Variants in SIPA1L2 observed in about 807,000 individuals in gnomAD.
SIPA1L2 encodes signal induced proliferation associated 1 like 2, also known as signal-induced proliferation-associated 1-like protein 2.
A neutral mutation model predicts 163.9 loss-of-function variants in SIPA1L2; 56 were observed. The observed-to-expected ratio is 0.34, with a 90% CI of 0.28 to 0.43. The LOEUF (loss-of-function observed/expected upper bound fraction) is 0.43. Among genes scored for constraint, SIPA1L2 ranks in the 20% least tolerant of loss-of-function variants. The probability of loss-of-function intolerance (pLI) is 1.00; values close to 1 mark genes in which losing one functional copy is unlikely to be tolerated. For missense variants in SIPA1L2, 1,974 were observed against 2,193.5 expected (o/e 0.90, Z 2.00); for synonymous variants, 877 against 865.7 (o/e 1.01, Z -0.23).
In SIPA1L2 at chr1:232,462,287, G is replaced by A. The variant is rs1273677918; in HGVS notation, c.2821-1126C>T. 4 of 1,550,078 alleles carry A rather than the reference G, an allele frequency of 2.6e-6. No homozygotes were observed. In the East Asian group the frequency reaches 7.3e-5, roughly 28 times the overall value. ...ACCTATCTGTGGGAATTTCAAGTTG[G>A]GAGGTATCATACTCCTATCCCCAAA... On this transcript the variant is annotated intron_variant, in intron 9 of 22. Transcript: ENST00000674635.
At chr1:232,572,672 TATATACACACACATATACATAC>T (rs1395695079) in intron 2 of SIPA1L2, among the ~76,000 whole-genome samples, 38 of 118,004 alleles carry the variant, frequency 3.2e-4, no homozygotes, top group African/African-American at 1.3e-3. Context: ...CATATATATA[TATATACACACACATATACATAC>T]ATATATATAT....
intron 2 of SIPA1L2, among the ~76,000 whole-genome samples, chr1:232,540,441 C>A (rs1001105388): frequency 6.6e-6 from 1 of 152,160 alleles, no homozygotes; most frequent in East Asian, 1.9e-4. Flanking sequence ...CTTTGCAAAC[C>A]TTCATTGGTT....
At chr1:232,426,369 T>A (rs1291076131) in intron 17 of SIPA1L2, among the ~76,000 whole-genome samples, 2 of 152,174 alleles carry the variant, frequency 1.3e-5, no homozygotes, top group East Asian at 3.9e-4. Flanking sequence ...CACTTAAAAG[T>A]GTCACTTGTG....
chr1:232,594,439 G>A (rs1452392216), intron 1 of SIPA1L2, among the ~76,000 whole-genome samples: 1 of 152,100 alleles, frequency 6.6e-6, no homozygotes, highest in African/African-American at 2.4e-5. Flanking sequence ...ACACCGAGCG[G>A]AGCCAGGGCG....
chr1:232,461,102 C>A lies in SIPA1L2; in HGVS notation c.2880G>T (p.Gln960His). 2.5e-6 allele frequency: 4 copies of A among 1,614,280 alleles called. No homozygotes were observed. The highest frequency in any genetic ancestry group is 2.5e-6 in the Non-Finnish European group (3 of 1,180,048). ...EMTLRRNGLG[Q>H]LGFHVNFEGI... ...CTTCAAAATTCACATGGAAGCCAAG[C>A]TGGCCCAGCCCGTTCCTCCTCAGGG... Residue 960 changes from glutamine to histidine, a missense_variant, in exon 10 of 23, where the codon CAG (glutamine) becomes CAT (histidine). By Grantham distance (24) the Gln-to-His change is conservative (BLOSUM62 0). This residue lies in a region of SIPA1L2 where 1,079 missense variants were observed against 1,150.7 expected (regional missense o/e 0.94). Transcript: ENST00000674635.
At chr1:232,577,362 G>A (rs1327471980) in intron 1 of SIPA1L2, among the ~76,000 whole-genome samples, 1 of 152,126 alleles carries the variant, frequency 6.6e-6, no homozygotes, top group Non-Finnish European at 1.5e-5. Context: ...CTGGTTATCC[G>A]AGACCTCTGA....
intron 1 of SIPA1L2, among the ~76,000 whole-genome samples, chr1:232,618,296 G>A (rs1048230934): frequency 1.3e-5 from 2 of 152,172 alleles, no homozygotes; most frequent in Admixed American, 6.5e-5. Flanking sequence ...CCTGGGGGCG[G>A]AAGGGATGCT....
At chr1:232,611,697 A>G (rs911735941) in intron 1 of SIPA1L2, among the ~76,000 whole-genome samples, 7 of 152,226 alleles carry the variant, frequency 4.6e-5, no homozygotes, top group Non-Finnish European at 1.0e-4. Context: ...GAGGTGACTT[A>G]GGTGCTGTTA....
At chr1:232,495,090 AG>A (rs1212312986) in intron 3 of SIPA1L2, among the ~76,000 whole-genome samples, 1 of 152,230 alleles carries the variant, frequency 6.6e-6, no homozygotes. Context: ...AGATCAGCAA[AG>A]GAAAACAGCA....
chr1:232,514,668 T>G lies in SIPA1L2; in HGVS notation c.672A>C (p.Ala224=). ...ATTCAGGGAACCCAAAAGGGACCATTGCTTTGTGGTCATAATTTTCTACTC... is the reference window on the plus strand; with the variant it reads ...ATTCAGGGAACCCAAAAGGGACCATGGCTTTGTGGTCATAATTTTCTACTC... ...GYRVENYDHK[A]MVPFGFPEFF... The change falls in exon 3 of 23, where the codon GCA becomes GCC. Residue 224 remains alanine, a synonymous_variant. Coordinates refer to ENST00000674635, the MANE Select transcript of SIPA1L2 (RefSeq NM_020808.5). 1 of 1,614,222 alleles carries G rather than the reference T, an allele frequency of 6.2e-7. No homozygotes were observed. Among genetic ancestry groups the G allele is most frequent in the South Asian group, 1.1e-5 (1 of 91,084 alleles).
At chr1:232,536,713 T>C (rs1044426213) in intron 2 of SIPA1L2, among the ~76,000 whole-genome samples, 1 of 152,218 alleles carries the variant, frequency 6.6e-6, no homozygotes, top group African/African-American at 2.4e-5. Context: ...TTTTCTCTTG[T>C]AACTGCAATA....
At chr1:232,596,875 T>C (rs946318334) in intron 1 of SIPA1L2, among the ~76,000 whole-genome samples, 1 of 152,160 alleles carries the variant, frequency 6.6e-6, no homozygotes, top group African/African-American at 2.4e-5. Context: ...AAATGGTTCA[T>C]TCCCGGCCTC....
intron 7 of SIPA1L2, among the ~76,000 whole-genome samples, chr1:232,477,834 T>C (rs1369933807): frequency 1.3e-5 from 2 of 152,210 alleles, no homozygotes; most frequent in Non-Finnish European, 2.9e-5. Context: ...GGTTGCCACA[T>C]GTGAAATGCC....
intron 2 of SIPA1L2, among the ~76,000 whole-genome samples, chr1:232,535,545 A>G (rs1356164329): frequency 6.6e-6 from 1 of 152,234 alleles, no homozygotes; most frequent in Non-Finnish European, 1.5e-5. Context: ...ATTCTCTAGA[A>G]AAGTTTTCAG....
At position 232,564,134 on chromosome 1, in the gene SIPA1L2, G is replaced by GT. The variant is rs368352108; in HGVS notation, c.-270+10039dup. Among the ~76,000 whole-genome samples, 4 of 53,008 alleles carry GT rather than the reference G, an allele frequency of 7.5e-5. 2 individuals carry two copies. Among genetic ancestry groups the GT allele is most frequent in the African/African-American group, 5.2e-4 (4 of 7,666 alleles). The allele number at this position is 53,008 out of a possible 152,430, so 34.8% of individuals were successfully genotyped here. A position where few individuals can be genotyped will look rare whatever the true frequency, so the allele number is the denominator to read the frequency against. ...TTGGCCAGACTGAACGACGAAGGTTGTTTTTTTTTTTTTTCGTGTGTGTGT... is the reference window on the plus strand; with the variant it reads ...TTGGCCAGACTGAACGACGAAGGTTGTTTTTTTTTTTTTTTCGTGTGTGTGT... On this transcript the variant is annotated intron_variant, in intron 2 of 22. Transcript: ENST00000674635.
rs543404602 is a variant in SIPA1L2, at chr1:232,484,338, C to T, written c.1807-372G>A. ...TAGTAATTAGGGTAATCTTCTAAGT[C>T]GGAAAGAAAAAAAGGCTACAAACCT... On this transcript the variant is annotated intron_variant, in intron 5 of 22. Coordinates refer to ENST00000674635, the MANE Select transcript of SIPA1L2 (RefSeq NM_020808.5). Among the ~76,000 whole-genome samples, 7 of 151,796 alleles carry T rather than the reference C, an allele frequency of 4.6e-5. No homozygotes were observed. The East Asian group carries it at 7.8e-4, about 17-fold the overall frequency.
At chr1:232,435,659 G>A (rs553966792) in intron 15 of SIPA1L2, among the ~76,000 whole-genome samples, 1 of 152,222 alleles carries the variant, frequency 6.6e-6, no homozygotes, top group East Asian at 1.9e-4. Flanking sequence ...ATTTCATTTT[G>A]CAAAGCCTTA....
intron 2 of SIPA1L2, among the ~76,000 whole-genome samples, chr1:232,537,228 C>A (rs1473759137): frequency 6.6e-6 from 1 of 151,948 alleles, no homozygotes; most frequent in Non-Finnish European, 1.5e-5. Flanking sequence ...CAACGTGAGA[C>A]CCTGTCTCAA....
intron 1 of SIPA1L2, among the ~76,000 whole-genome samples, chr1:232,597,527 A>C (rs1177497295): frequency 6.6e-6 from 1 of 150,972 alleles, no homozygotes. Context: ...AAATACCAAA[A>C]AAAAAAAAAA....
Sources: allele counts gnomAD v4.1 joint callset (sites outside exome capture counted in the v4.1 genomes callset), GRCh38; gene constraint gnomAD v4.1.1; regional missense constraint gnomAD v4.1.1; transcripts MANE v1.5; gene names NCBI Gene and HGNC (gene_info 2026-07-23, HGNC 2026-07-21).